Variants in KIRREL3 observed in about 807,000 individuals in gnomAD.
KIRREL3 encodes kirre like nephrin family adhesion molecule 3, also known as kin of IRRE-like protein 3.
Under a neutral mutation model 89.7 loss-of-function variants are expected in KIRREL3, and 36 were observed. The observed-to-expected ratio is 0.40, with a 90% CI of 0.31 to 0.53. KIRREL3 has a LOEUF of 0.53. Ranked by LOEUF, KIRREL3 falls within the 20% of genes least tolerant of loss-of-function variation. KIRREL3 has a pLI of 0.49. For synonymous variants in KIRREL3, 445 were observed against 441.4 expected, an observed-to-expected ratio of 1.01 and a Z score of -0.10; for missense variants, 864 against 1,056.6, an observed-to-expected ratio of 0.82 and a Z score of 2.53.
chr11:126,904,181 C>T lies in KIRREL3; in HGVS notation c.55+96274G>A, dbSNP rs1023747595. Among the ~76,000 whole-genome samples, 3 of 152,198 alleles carry T rather than the reference C, an allele frequency of 2.0e-5. No individual in the cohort carries two copies. The highest frequency in any genetic ancestry group is 4.8e-5 in the African/African-American group (2 of 41,452). ...CATACCCTTTGAAGCCTCTTTTTAA[C>T]ACACAGGTAAAGTTTTCAGGACTAT... On this transcript the variant is annotated intron_variant, in intron 1 of 16. Coordinates refer to ENST00000525144, the MANE Select transcript of KIRREL3 (RefSeq NM_032531.4). The surrounding 1 kb of genome is among the most constrained non-coding windows in gnomAD (Gnocchi z 4.4).
intron 4 of KIRREL3, among the ~76,000 whole-genome samples, chr11:126,502,241 G>A (rs1394652977): frequency 6.6e-6 from 1 of 152,196 alleles, no homozygotes; most frequent in African/African-American, 2.4e-5. Flanking sequence ...CAGATCTCAT[G>A]CTGCCTAGCA....
chr11:126,966,638 A>C (rs1388108171), intron 1 of KIRREL3, among the ~76,000 whole-genome samples: 1 of 152,102 alleles, frequency 6.6e-6, no homozygotes, highest in African/African-American at 2.4e-5. Flanking sequence ...GGGCATACTA[A>C]TGGGCTCATT....
At chr11:126,816,500 A>T (rs1173108882) in intron 1 of KIRREL3, among the ~76,000 whole-genome samples, 1 of 152,202 alleles carries the variant, frequency 6.6e-6, no homozygotes, top group Non-Finnish European at 1.5e-5. Flanking sequence ...GAATTATGTT[A>T]CAACTGCTTA....
intron 10 of KIRREL3, among the ~76,000 whole-genome samples, chr11:126,444,068 C>T (rs1429328469): frequency 6.6e-6 from 1 of 152,220 alleles, no homozygotes; most frequent in East Asian, 1.9e-4. Context: ...CAGGTCTCAG[C>T]TTCTCCATGA....
intron 1 of KIRREL3, among the ~76,000 whole-genome samples, chr11:126,759,965 T>C (rs189412565): frequency 2.8e-4 from 43 of 152,030 alleles, no homozygotes; most frequent in African/African-American, 8.4e-4. Context: ...AGACATCCCA[T>C]GCCAACCCCA....
chr11:126,659,748 C>T (rs958850295), intron 1 of KIRREL3, among the ~76,000 whole-genome samples: 1 of 152,234 alleles, frequency 6.6e-6, no homozygotes, highest in Admixed American at 6.5e-5. Context: ...GATAACAATG[C>T]AAATGCAAGG....
rs1280120433 is a variant in KIRREL3 at position 126,783,343 on chromosome 11, T to G, written c.55+217112A>C. On this transcript the variant is annotated intron_variant, in intron 1 of 16. Transcript: ENST00000525144. The surrounding 1 kb of genome is among the most constrained non-coding windows in gnomAD (Gnocchi z 4.3). ...AGGACACTCACTGGTCACATTGGAT[T>G]AAGGGCTTACCTTACTCCAGTATGA... Among the ~76,000 whole-genome samples the G allele has an allele frequency of 2.6e-5, 4 of 152,304 alleles. No individual in the cohort carries two copies. The East Asian group carries it at 7.7e-4, about 29-fold the overall frequency.
chr11:126,536,849 T>G (rs1937934236), intron 2 of KIRREL3, among the ~76,000 whole-genome samples: 1 of 152,126 alleles, frequency 6.6e-6, no homozygotes, highest in South Asian at 2.1e-4. Flanking sequence ...TTCACCAAGT[T>G]GACCAGGCCA....
In KIRREL3 at chr11:126,553,824, G is replaced by T. The variant is rs1939477456; in HGVS notation, c.133+9011C>A. On this transcript the variant is annotated intron_variant, in intron 2 of 16. Transcript: ENST00000525144. This position sits in a 1 kb window ranked among gnomAD's most constrained non-coding sequence, Gnocchi z 4.7. ...GATTCAGTAAAACCTAAACACAGAG[G>T]CCTCTACCATTGTTCATTTTTTTCC... 6.6e-6 allele frequency among the ~76,000 whole-genome samples: 1 copy of T among 152,128 alleles called. No individual in the cohort carries two copies. The highest frequency in any genetic ancestry group is 1.5e-5 in the Non-Finnish European group (1 of 68,034).
chr11:126,548,605 A>G (rs528562692), intron 2 of KIRREL3, among the ~76,000 whole-genome samples: 3 of 152,274 alleles, frequency 2.0e-5, no homozygotes, highest in Admixed American at 6.5e-5. Flanking sequence ...TCCCATGTCA[A>G]TTTCCAACCC....
rs992889131 is a variant in KIRREL3, at chr11:126,817,598, T to C, written c.55+182857A>G. Among the ~76,000 whole-genome samples, 1 of 152,214 alleles carries C rather than the reference T, an allele frequency of 6.6e-6. No individual in the cohort carries two copies. Among genetic ancestry groups the C allele is most frequent in the Non-Finnish European group, 1.5e-5 (1 of 68,044 alleles). On this transcript the variant is annotated intron_variant, in intron 1 of 16. Transcript: ENST00000525144. This position sits in a 1 kb window ranked among gnomAD's most constrained non-coding sequence, Gnocchi z 5.7. ...GCCCAGAAGGGGATGCCTTGCTTTC[T>C]CATCCTTCCAGCCTATGTGGCTGCA...
At chr11:126,881,103 C>A (rs1275379140) in intron 1 of KIRREL3, among the ~76,000 whole-genome samples, 1 of 152,202 alleles carries the variant, frequency 6.6e-6, no homozygotes, top group African/African-American at 2.4e-5. Flanking sequence ...ACAGGAGTGA[C>A]AGCCAATAGT....
chr11:126,698,062 T>A (rs1356793237), intron 1 of KIRREL3, among the ~76,000 whole-genome samples: 1 of 152,174 alleles, frequency 6.6e-6, no homozygotes, highest in African/African-American at 2.4e-5. Flanking sequence ...GGAAATAGCA[T>A]TGTGAATGTA....
intron 2 of KIRREL3, among the ~76,000 whole-genome samples, chr11:126,540,489 C>T (rs1221119988): frequency 1.3e-5 from 2 of 152,106 alleles, no homozygotes; most frequent in Non-Finnish European, 2.9e-5. Flanking sequence ...GGGTCTTTAA[C>T]GAAGAGCAAT....
intron 4 of KIRREL3, among the ~76,000 whole-genome samples, chr11:126,518,919 G>A (rs1958504282): frequency 6.6e-6 from 1 of 152,230 alleles, no homozygotes; most frequent in Non-Finnish European, 1.5e-5. Context: ...CAGAGTGCTG[G>A]GAAGCACTGT....
At chr11:126,699,766 T>C (rs1014182986) in intron 1 of KIRREL3, among the ~76,000 whole-genome samples, 1 of 152,222 alleles carries the variant, frequency 6.6e-6, no homozygotes, top group Admixed American at 6.5e-5. Flanking sequence ...GTATGTATAA[T>C]TATAATTCTA....
In KIRREL3 at chr11:126,918,932, G is replaced by A. The variant is rs534269713; in HGVS notation, c.55+81523C>T. On this transcript the variant is annotated intron_variant, in intron 1 of 16. Transcript: ENST00000525144. The surrounding 1 kb of genome is among the most constrained non-coding windows in gnomAD (Gnocchi z 6.5). The stretch of plus-strand genomic sequence containing the variant: ...ACCCAAGGAAATATGATTTTATAAC[G>A]TCATATGTTATAACATCATATGTTA... 1.7e-4 allele frequency among the ~76,000 whole-genome samples: 26 copies of A among 151,248 alleles called. No homozygotes were observed. Among genetic ancestry groups the A allele is most frequent in the Middle Eastern group, 3.2e-3 (1 of 312 alleles).
In KIRREL3 at chr11:126,890,557, C is replaced by T. The variant is rs1007989711; in HGVS notation, c.55+109898G>A. On this transcript the variant is annotated intron_variant, in intron 1 of 16. Transcript: ENST00000525144. This position sits in a 1 kb window ranked among gnomAD's most constrained non-coding sequence, Gnocchi z 5.1. ...ACCAAATCCCTCCAGTTTTCTGCTC[C>T]CTGGCTGTGGACAGAAGGCACCTGG... is the stretch of plus-strand genomic sequence containing the variant. Among the ~76,000 whole-genome samples the T allele has an allele frequency of 2.6e-5, 4 of 152,204 alleles. No homozygotes were observed. The highest frequency in any genetic ancestry group is 9.6e-5 in the African/African-American group (4 of 41,458).
chr11:126,592,942 AG>A (rs1032156014), intron 1 of KIRREL3, among the ~76,000 whole-genome samples: 3 of 147,492 alleles, frequency 2.0e-5, no homozygotes, highest in Admixed American at 2.0e-4. Context: ...CTTTCCTGTG[AG>A]GGGGCTAGGA....
Sources: gnomAD v4.1 joint callset for allele counts (sites outside exome capture counted in the v4.1 genomes callset) on GRCh38, gnomAD v4.1.1 for gene constraint, Gnocchi (gnomAD v3.1) non-coding constraint, MANE v1.5 for transcripts, NCBI Gene and HGNC (gene_info 2026-07-23, HGNC 2026-07-21) for gene names.